The following MAML2 variants were observed in gnomAD, a reference collection of about 807,000 sequenced individuals.
The protein encoded by MAML2 is mastermind-like protein 2.
In MAML2, 22 loss-of-function variants were observed where a neutral mutation model predicts 96.1. That is an observed-to-expected ratio of 0.23 (90% confidence interval 0.16 to 0.33). The LOEUF (loss-of-function observed/expected upper bound fraction) is 0.33. MAML2 is among the 10% of genes least tolerant of loss of function. MAML2 has a pLI of 1.00. For missense variants in MAML2, 1,367 were observed against 1,392.4 expected, an observed-to-expected ratio of 0.98 and a Z score of 0.29; for synonymous variants, 561 against 521.3, an observed-to-expected ratio of 1.08 and a Z score of -1.04.
intron 1 of MAML2, among the ~76,000 whole-genome samples, chr11:96,118,466 G>GT (rs908362127): frequency 3.3e-5 from 5 of 152,148 alleles, no homozygotes; most frequent in African/African-American, 1.2e-4. Context: ...TGCCATGATT[G>GT]TAAGTTTCCT....
rs954830335 is a variant in MAML2, at chr11:96,226,175, T to C, written c.513+115208A>G. ...GGGGATTGAATCTGAGGAGGCTTTA[T>C]TGCCTAAAAAGTTATTTAAGAATGA... On this transcript the variant is annotated intron_variant, in intron 1 of 4. Transcript: ENST00000524717. Among the ~76,000 whole-genome samples, 3 of 152,344 alleles carry C rather than the reference T, an allele frequency of 2.0e-5. No individual in the cohort carries two copies. In the East Asian group the frequency reaches 5.8e-4, roughly 29 times the overall value.
chr11:96,176,905 A>C (rs1861395641), intron 1 of MAML2, among the ~76,000 whole-genome samples: 1 of 152,216 alleles, frequency 6.6e-6, no homozygotes, highest in Non-Finnish European at 1.5e-5. Flanking sequence ...CAGGGAAAAG[A>C]ATGACTGAGC....
Position 96,092,560 on chromosome 11 carries a change from T to C in MAML2, c.1471A>G (p.Ser491Gly), listed in dbSNP as rs1859741707. 6.2e-7 allele frequency: 1 copy of C among 1,605,052 alleles called. No homozygotes were observed. The highest frequency in any genetic ancestry group is 1.3e-5 in the African/African-American group (1 of 74,774). The change falls in exon 2 of 5, where the codon AGC becomes GGC. Residue 491 changes from serine (S) to glycine (G), a missense_variant. Physicochemically the swap from Ser to Gly is moderately conservative, Grantham distance 56. Transcript: ENST00000524717. The surrounding 1 kb of genome is among the most constrained non-coding windows in gnomAD (Gnocchi z 4.1). ...PSPSFGQQTF[S>G]PQSSPMPGVA... ...CCAGGCATGGGGGAGCTCTGTGGGC[T>C]GAATGTCTGCTGACCAAAAGAAGGG...
At chr11:96,148,049 T>C (rs1860848487) in intron 1 of MAML2, among the ~76,000 whole-genome samples, 1 of 152,238 alleles carries the variant, frequency 6.6e-6, no homozygotes, top group African/African-American at 2.4e-5. Flanking sequence ...AAGCATCTCC[T>C]TTAACAAGAC....
At chr11:96,257,765 T>G (rs1434009460) in intron 1 of MAML2, among the ~76,000 whole-genome samples, 2 of 152,206 alleles carry the variant, frequency 1.3e-5, no homozygotes, top group East Asian at 3.8e-4. Flanking sequence ...ATTCTCTCTT[T>G]ACTGTGTATC....
At chr11:96,075,291 A>C (rs751958057) in intron 2 of MAML2, among the ~76,000 whole-genome samples, 1 of 152,234 alleles carries the variant, frequency 6.6e-6, no homozygotes, top group South Asian at 2.1e-4. Flanking sequence ...ATTTCTTACC[A>C]GTAAAATTAA....
Position 96,113,693 on chromosome 11 carries a change from A to G in MAML2, c.514-20176T>C, listed in dbSNP as rs114059775. Among the ~76,000 whole-genome samples, 852 of 152,158 alleles carry G rather than the reference A, an allele frequency of 5.6e-3. 8 individuals are homozygous for G. The highest frequency in any genetic ancestry group is 0.02 in the African/African-American group (825 of 41,520). On this transcript the variant is annotated intron_variant, in intron 1 of 4. Transcript: ENST00000524717. ...GAAATGGTTACGAATGATGAAAAAG[A>G]AAAATAGGAGGCTTTAATCCAGGGT... is the stretch of plus-strand genomic sequence containing the variant.
intron 1 of MAML2, among the ~76,000 whole-genome samples, chr11:96,332,333 A>G (rs544842435): frequency 6.6e-6 from 1 of 152,216 alleles, no homozygotes; most frequent in African/African-American, 2.4e-5. Flanking sequence ...TCGCTCTCTC[A>G]GAAAGATATT....
chr11:96,194,707 CT>C (rs1255832264), intron 1 of MAML2, among the ~76,000 whole-genome samples: 1 of 152,084 alleles, frequency 6.6e-6, no homozygotes, highest in East Asian at 1.9e-4. Context: ...TACAAAATTC[CT>C]TGGGGAAAAA....
At chr11:96,338,422 G>C (rs906043625) in intron 1 of MAML2, among the ~76,000 whole-genome samples, 2 of 152,220 alleles carry the variant, frequency 1.3e-5, no homozygotes, top group African/African-American at 4.8e-5. Context: ...TGTCAATGTG[G>C]ACAGAATTAA....
At chr11:96,231,649 T>G (rs1026396176) in intron 1 of MAML2, among the ~76,000 whole-genome samples, 3 of 152,138 alleles carry the variant, frequency 2.0e-5, no homozygotes, top group Non-Finnish European at 2.9e-5. Flanking sequence ...GAAAAACAAA[T>G]GTATGAGTTG....
intron 2 of MAML2, among the ~76,000 whole-genome samples, chr11:96,020,356 C>T (rs553025974): frequency 4.7e-4 from 71 of 152,334 alleles, no homozygotes; most frequent in African/African-American, 1.7e-3. Context: ...CCCACACTTG[C>T]CTTCCTATTA....
At chr11:96,268,838 G>A (rs909917367) in intron 1 of MAML2, among the ~76,000 whole-genome samples, 1 of 122,006 alleles carries the variant, frequency 8.2e-6, no homozygotes, top group Non-Finnish European at 1.7e-5. Context: ...ATAACTGTAA[G>A]GCCTCCCTCA....
At chr11:95,991,866 C>T (rs1164819598) in intron 2 of MAML2, 143 bp from the exon 3 acceptor site, 5 of 669,406 alleles carry the variant, frequency 7.5e-6, no homozygotes, top group Non-Finnish European at 1.3e-5. Flanking sequence ...ATCAGAGAAT[C>T]GCTTTTTAAA....
chr11:96,098,300 C>A (rs749327783), intron 1 of MAML2, among the ~76,000 whole-genome samples: 1 of 152,176 alleles, frequency 6.6e-6, no homozygotes, highest in Non-Finnish European at 1.5e-5. Context: ...GAACCATATC[C>A]TATCAAATCA....
intron 1 of MAML2, among the ~76,000 whole-genome samples, chr11:96,223,066 G>T (rs1862162575): frequency 6.6e-6 from 1 of 151,890 alleles, no homozygotes; most frequent in South Asian, 2.1e-4. Context: ...CAAATTGTGT[G>T]TACTTTAATA....
intron 2 of MAML2, among the ~76,000 whole-genome samples, chr11:95,996,905 G>T (rs1220684574): frequency 2.0e-5 from 3 of 152,108 alleles, no homozygotes; most frequent in East Asian, 3.9e-4. Context: ...CTCCTGAAGG[G>T]CATATGAAGG....
At chr11:96,290,448 T>C (rs1250270357) in intron 1 of MAML2, among the ~76,000 whole-genome samples, 1 of 152,212 alleles carries the variant, frequency 6.6e-6, no homozygotes, top group African/African-American at 2.4e-5. Context: ...AGAATTAGCA[T>C]AGTTCATTCC....
rs10522513 is a variant in MAML2 at position 96,068,438 on chromosome 11, T to TCACACACACACACACACACACACA, written c.2139+23430_2139+23453dup. 3.7e-3 allele frequency among the ~76,000 whole-genome samples: 444 copies of TCACACACACACACACACACACACA among 120,348 alleles called. 8 individuals are homozygous for TCACACACACACACACACACACACA. Among genetic ancestry groups the TCACACACACACACACACACACACA allele is most frequent in the Middle Eastern group, 0.012 (3 of 248 alleles). The allele number at this position is 120,348 out of a possible 152,430, so 79.0% of individuals were successfully genotyped here. A position where few individuals can be genotyped will look rare whatever the true frequency, so the allele number is the denominator to read the frequency against. ...GTAGAATTTCCTGGGGGAGCTTACT[T>TCACACACACACACACACACACACA]CACACACACACACACACACACACAC... On this transcript the variant is annotated intron_variant, in intron 2 of 4. Transcript: ENST00000524717.
Sources: gnomAD v4.1 joint callset for allele counts (sites outside exome capture counted in the v4.1 genomes callset) on GRCh38, gnomAD v4.1.1 for gene constraint, Gnocchi (gnomAD v3.1) non-coding constraint, MANE v1.5 for transcripts, NCBI Gene and HGNC (gene_info 2026-07-23, HGNC 2026-07-21) for gene names.